Variants in ADGRL3 observed in about 807,000 individuals in gnomAD.
The protein encoded by ADGRL3 is calcium-independent alpha-latrotoxin receptor 3.
Under a neutral mutation model 153.5 loss-of-function variants are expected in ADGRL3, and 62 were observed. The observed-to-expected ratio is 0.40, with a 90% confidence interval of 0.33 to 0.50. The LOEUF (loss-of-function observed/expected upper bound fraction) is 0.50. Ranked by LOEUF, ADGRL3 falls within the 20% of genes least tolerant of loss-of-function variation. The pLI, the probability that ADGRL3 is intolerant of heterozygous loss-of-function variation, is 0.47. For missense variants in ADGRL3, 1,641 were observed against 1,859.4 expected, an observed-to-expected ratio of 0.88 and a Z score of 2.16; for synonymous variants, 710 against 672.5, an observed-to-expected ratio of 1.06 and a Z score of -0.86.
chr4:61,259,101 C>T (rs767209510), intron 1 of ADGRL3, among the ~76,000 whole-genome samples: 3 of 152,132 alleles, frequency 2.0e-5, no homozygotes, highest in Non-Finnish European at 4.4e-5. Context: ...TCACTAGCAT[C>T]TTCCCATTGT....
intron 2 of ADGRL3, among the ~76,000 whole-genome samples, chr4:61,409,685 G>A (rs1470128680): frequency 6.6e-6 from 1 of 151,464 alleles, no homozygotes; most frequent in African/African-American, 2.4e-5. Flanking sequence ...AAAATAATAC[G>A]ATCATAAGCC....
At chr4:61,921,608 A>G (rs141492918) in intron 13 of ADGRL3, among the ~76,000 whole-genome samples, 16 of 152,018 alleles carry the variant, frequency 1.1e-4, no homozygotes, top group African/African-American at 3.9e-4. Context: ...GGGTTTCACT[A>G]TGTTGGCCAG....
chr4:61,256,979 A>G (rs2149511163), intron 1 of ADGRL3, among the ~76,000 whole-genome samples: 1 of 152,284 alleles, frequency 6.6e-6, no homozygotes, highest in South Asian at 2.1e-4. Flanking sequence ...CATAAAATCA[A>G]ATTTTAGCAT....
chr4:61,796,911 T>C (rs571483048), intron 8 of ADGRL3, among the ~76,000 whole-genome samples: 8 of 152,192 alleles, frequency 5.3e-5, no homozygotes, highest in Non-Finnish European at 1.0e-4. Flanking sequence ...CCTTCTATAT[T>C]TGGGGCTTTG....
chr4:62,052,454 C>T lies in ADGRL3; in HGVS notation c.3814+7905C>T, dbSNP rs1033408357. ...TTTTTTAGAGTGGATTCTTCCTATC[C>T]GTGTAAGGAAAAAAATGCTTGAAAA... On this transcript the variant is annotated intron_variant, in intron 25 of 26. Coordinates refer to ENST00000683033, the MANE Select transcript of ADGRL3 (RefSeq NM_001387552.1). 5.3e-5 allele frequency among the ~76,000 whole-genome samples: 8 copies of T among 150,638 alleles called. No homozygotes were observed. In the East Asian group the frequency reaches 5.9e-4, roughly 11 times the overall value.
intron 9 of ADGRL3, among the ~76,000 whole-genome samples, chr4:61,821,459 T>A (rs1580997932): frequency 6.6e-6 from 1 of 151,988 alleles, no homozygotes; most frequent in African/African-American, 2.4e-5. Flanking sequence ...GCCTCCCGGG[T>A]TCAAGTGATT....
chr4:62,068,112 C>A, intron 25 of ADGRL3, 54 bp from the exon 26 acceptor site: 3 of 1,245,404 alleles, frequency 2.4e-6, no homozygotes, highest in South Asian at 2.8e-5. Context: ...CTTCTACTGT[C>A]GCTGTAAGCT....
chr4:61,835,087 TA>T (rs1299310912), intron 9 of ADGRL3, among the ~76,000 whole-genome samples: 1 of 152,168 alleles, frequency 6.6e-6, no homozygotes, highest in Non-Finnish European at 1.5e-5. Flanking sequence ...AGCTTTCCCA[TA>T]ATTCAAAGTA....
At chr4:61,591,118 C>A (rs754835007) in intron 5 of ADGRL3, among the ~76,000 whole-genome samples, 5 of 152,096 alleles carry the variant, frequency 3.3e-5, no homozygotes, top group Non-Finnish European at 4.4e-5. Flanking sequence ...ACAAGGATTG[C>A]CCTATCCTGA....
intron 1 of ADGRL3, among the ~76,000 whole-genome samples, chr4:61,221,272 T>C (rs1745367364): frequency 1.3e-5 from 2 of 152,164 alleles, no homozygotes; most frequent in African/African-American, 2.4e-5. Flanking sequence ...TAAAATAGTA[T>C]AGTTTTCAAG....
chr4:61,226,235 A>AG (rs918095596), intron 1 of ADGRL3, among the ~76,000 whole-genome samples: 2 of 152,114 alleles, frequency 1.3e-5, no homozygotes, highest in African/African-American at 2.4e-5. Flanking sequence ...TAGCATTATG[A>AG]GGGGGTGTCT....
At chr4:61,759,610 G>C (rs1396847445) in intron 8 of ADGRL3, among the ~76,000 whole-genome samples, 1 of 151,932 alleles carries the variant, frequency 6.6e-6, no homozygotes, top group Non-Finnish European at 1.5e-5. Context: ...TTTGCCATGG[G>C]TTTCAACTTC....
At chr4:61,429,187 T>C (rs897729910) in intron 2 of ADGRL3, among the ~76,000 whole-genome samples, 3 of 152,044 alleles carry the variant, frequency 2.0e-5, no homozygotes, top group African/African-American at 7.2e-5. Context: ...CCAGCTCAGA[T>C]TGAGAAATTA....
At chr4:61,343,232 T>C (rs1269274258) in intron 1 of ADGRL3, among the ~76,000 whole-genome samples, 1 of 152,188 alleles carries the variant, frequency 6.6e-6, no homozygotes, top group Non-Finnish European at 1.5e-5. Context: ...TATCACCAGA[T>C]ATTTTAATTT....
chr4:61,612,752 T>G (rs2091526587), intron 5 of ADGRL3, among the ~76,000 whole-genome samples: 1 of 152,122 alleles, frequency 6.6e-6, no homozygotes, highest in Admixed American at 6.6e-5. Context: ...ATTTATAGGT[T>G]TTATTACTCT....
intron 1 of ADGRL3, among the ~76,000 whole-genome samples, chr4:61,261,997 T>G (rs2092555772): frequency 1.1e-5 from 1 of 88,936 alleles, no homozygotes; most frequent in African/African-American, 4.6e-5. Flanking sequence ...AACGACGAGA[T>G]TGAAATATTA....
At chr4:61,977,331 C>T (rs1053806604) in intron 17 of ADGRL3, among the ~76,000 whole-genome samples, 2 of 151,444 alleles carry the variant, frequency 1.3e-5, no homozygotes, top group Non-Finnish European at 2.9e-5. Context: ...GCTTGATTCT[C>T]AATCGCAGCA....
intron 2 of ADGRL3, among the ~76,000 whole-genome samples, chr4:61,443,288 A>G (rs1483642965): frequency 6.6e-6 from 1 of 152,180 alleles, no homozygotes; most frequent in Non-Finnish European, 1.5e-5. Context: ...TGAAACTTAA[A>G]GGAACTCATG....
chr4:61,508,988 T>C (rs2098447377), intron 3 of ADGRL3, among the ~76,000 whole-genome samples: 1 of 152,112 alleles, frequency 6.6e-6, no homozygotes, highest in African/African-American at 2.4e-5. Flanking sequence ...TATTCACTAT[T>C]ATAAGAACAG....
Sources: gnomAD v4.1 joint callset for allele counts (sites outside exome capture counted in the v4.1 genomes callset) on GRCh38, gnomAD v4.1.1 for gene constraint, MANE v1.5 for transcripts, NCBI Gene and HGNC (gene_info 2026-07-23, HGNC 2026-07-21) for gene names.